FBXW10: variants seen among roughly 807,000 people sequenced by gnomAD.
FBXW10 encodes F-box/WD repeat-containing protein 10.
A neutral mutation model predicts 113.1 loss-of-function variants in FBXW10; 68 were observed. The observed-to-expected ratio is 0.60, with a 90% CI of 0.49 to 0.74. The LOEUF (loss-of-function observed/expected upper bound fraction) is 0.74. FBXW10 is among the 30% of genes least tolerant of loss of function. The pLI is 0.00. For missense variants in FBXW10, 753 were observed against 1,284.5 expected (o/e 0.59, Z 6.32); for synonymous variants, 289 against 481.6 (o/e 0.60, Z 5.24).
chr17:18,775,573 A>G (rs766060802), intron 13 of FBXW10, among the ~76,000 whole-genome samples: 20 of 152,174 alleles, frequency 1.3e-4, no homozygotes, highest in Non-Finnish European at 2.5e-4. Flanking sequence ...TATGTCATCA[A>G]TCTGAGAAAT....
chr17:18,771,206 T>C (rs1306037435), intron 11 of FBXW10, among the ~76,000 whole-genome samples: 1 of 152,062 alleles, frequency 6.6e-6, no homozygotes, highest in African/African-American at 2.4e-5. Context: ...CTAAAAGGGA[T>C]TTCTTATTGG....
chr17:18,769,037 G>A (rs371835270), intron 10 of FBXW10, among the ~76,000 whole-genome samples: 1 of 145,362 alleles, frequency 6.9e-6, no homozygotes, highest in Non-Finnish European at 1.5e-5. Flanking sequence ...CTGGGTTCAC[G>A]CTATTCTCCT....
chr17:18,772,333 A>C, intron 11 of FBXW10, 79 bp from the exon 12 acceptor site: 2 of 1,347,780 alleles, frequency 1.5e-6, no homozygotes, highest in Non-Finnish European at 1.0e-6. Flanking sequence ...TCTAAAGACC[A>C]GGTGGGATGG....
intron 8 of FBXW10, 41 bp downstream of exon 8, chr17:18,764,904 C>T (rs764073637): frequency 1.6e-5 from 26 of 1,613,548 alleles, no homozygotes; most frequent in South Asian, 6.6e-5. Flanking sequence ...AAGTTTCCCC[C>T]GACCCACGGG....
chr17:18,759,658 G>C (rs532686532), intron 7 of FBXW10, among the ~76,000 whole-genome samples: 5 of 151,744 alleles, frequency 3.3e-5, no homozygotes, highest in Admixed American at 2.6e-4. Context: ...TGTCACCCAG[G>C]CTGGAGAGCA....
At chr17:18,750,789 T>C in intron 4 of FBXW10, 142 bp from the exon 5 acceptor site, 1 of 919,634 alleles carries the variant, frequency 1.1e-6, no homozygotes, top group South Asian at 1.8e-5. Context: ...TGGCCAGAAG[T>C]GGGCCTGCCT....
intron 12 of FBXW10, among the ~76,000 whole-genome samples, chr17:18,773,797 C>A (rs1043135317): frequency 1.3e-5 from 2 of 152,116 alleles, no homozygotes; most frequent in South Asian, 2.1e-4. Flanking sequence ...CTTAGAATTG[C>A]CAACCTAAAA....
Position 18,766,738 on chromosome 17 carries a change from G to A in FBXW10, c.1580G>A (p.Cys527Tyr). 1.2e-6 allele frequency: 2 copies of A among 1,613,562 alleles called. No homozygotes were observed. Among genetic ancestry groups the A allele is most frequent in the Admixed American group, 1.7e-5 (1 of 59,992 alleles). The change falls in exon 9 of 14, where the codon TGC (cysteine) becomes TAC (tyrosine). Residue 527 changes from cysteine (C) to tyrosine (Y), a missense_variant. Physicochemically the swap from Cys to Tyr is radical, Grantham distance 194 (BLOSUM62 -2). Transcript: ENST00000395665. ...GTATGGGATGTAGACACAGGGAAGT[G>A]CCTGAAGACGTTTAGACACAAAGAC... ...VKVWDVDTGK[C>Y]LKTFRHKDPI...
At chr17:18,745,458 C>G (rs2035022832) in intron 1 of FBXW10, 1 of 163,400 alleles carries the variant, frequency 6.1e-6, no homozygotes. Flanking sequence ...CTCTGTCACC[C>G]AGGCTGGAGT....
intron 1 of FBXW10, among the ~76,000 whole-genome samples, chr17:18,747,020 G>A (rs2035051563): frequency 6.6e-6 from 1 of 151,540 alleles, no homozygotes; most frequent in Admixed American, 6.6e-5. Context: ...CGCCTCCCGG[G>A]TTCACGCCAT....
In FBXW10 at chr17:18,768,648, C is replaced by T. The variant is rs79757327; in HGVS notation, c.1819C>T (p.Arg607Cys). The T allele has an allele frequency of 0.073, 117,622 of 1,613,658 alleles. 4,672 individuals are homozygous for T. Among genetic ancestry groups the T allele is most frequent in the African/African-American group, 0.13 (9,822 of 74,928 alleles). The change falls in exon 10 of 14, where the codon CGC becomes TGC. Residue 607 changes from arginine to cysteine, a missense_variant. Arg to Cys is a radical substitution (Grantham distance 180, BLOSUM62 -3). Transcript: ENST00000395665. ...MAWSMVGKYE[R>C]CLMAFKHPKE... Reference sequence around the variant, plus strand: ...CTGGAGCATGGTGGGGAAGTACGAGCGCTGCCTGATGGCCTTCAAGCATCC... The same window carrying T: ...CTGGAGCATGGTGGGGAAGTACGAGTGCTGCCTGATGGCCTTCAAGCATCC...
chr17:18,778,178 G>A (rs866071778), intron 13 of FBXW10, among the ~76,000 whole-genome samples: 9 of 152,174 alleles, frequency 5.9e-5, no homozygotes, highest in South Asian at 2.1e-4. Flanking sequence ...GCGTGAACCC[G>A]GAAGGCAGAG....
intron 5 of FBXW10, among the ~76,000 whole-genome samples, chr17:18,751,531 G>A (rs191939278): frequency 2.5e-4 from 38 of 152,130 alleles, no homozygotes; most frequent in East Asian, 2.3e-3. Flanking sequence ...CGCTCAGCCC[G>A]ACACTTCCTC....
chr17:18,764,933 T>C (rs1567622028), intron 8 of FBXW10, 70 bp downstream of exon 8: 1 of 1,613,106 alleles, frequency 6.2e-7, no homozygotes, highest in Non-Finnish European at 8.5e-7. Context: ...ATGCTTTGTT[T>C]TGCTCATTTC....
At chr17:18,745,076 G>A (rs2035014367) in intron 1 of FBXW10, 20 of 1,235,296 alleles carry the variant, frequency 1.6e-5, no homozygotes, top group Non-Finnish European at 2.0e-5. Flanking sequence ...TGCTGGTGTC[G>A]TTCCTGCTTT....
At chr17:18,760,946 C>A (rs1255576443) in intron 7 of FBXW10, among the ~76,000 whole-genome samples, 4 of 151,724 alleles carry the variant, frequency 2.6e-5, no homozygotes, top group African/African-American at 9.7e-5. Context: ...GTTTTTTAAT[C>A]TCTTTGCAAT....
intron 8 of FBXW10, 21 bp from the exon 9 acceptor site, chr17:18,766,693 C>T (rs1051714211): frequency 1.2e-5 from 20 of 1,611,452 alleles, no homozygotes; most frequent in Non-Finnish European, 1.6e-5. Context: ...CCATGTCTTC[C>T]TCTCTCTCCC....
chr17:18,770,003 T>C lies in FBXW10; in HGVS notation c.1924T>C (p.Phe642Leu), dbSNP rs765268839. Residue 642 changes from phenylalanine to leucine, a missense_variant, in exon 11 of 14, where the codon TTC becomes CTC. Physicochemically the swap from Phe to Leu is conservative, Grantham distance 22 (BLOSUM62 0). Transcript: ENST00000395665. ...AGATGGCAAGATCCGAATTTACAAT[T>C]TCCTCAACGGGAACTGTATGAAGGT... ...CADGKIRIYNFLNGNCMKVLK... is the reference protein window; with the variant it reads ...CADGKIRIYNLLNGNCMKVLK... 1 of 1,614,196 alleles carries C rather than the reference T, an allele frequency of 6.2e-7. No individual in the cohort carries two copies. Among genetic ancestry groups the C allele is most frequent in the Non-Finnish European group, 8.5e-7 (1 of 1,180,040 alleles).
Position 18,749,658 on chromosome 17 carries a change from G to T in FBXW10, c.671-64G>T. ...CTGGGAGAGCTTTTGGTGGGGACTT[G>T]TTCTTGGCCTGGAGTTTCTACAGAG... On this transcript the variant is annotated intron_variant, in intron 2 of 13. Coordinates refer to ENST00000395665, the MANE Select transcript of FBXW10 (RefSeq NM_001267585.2). 3 of 1,611,456 alleles carry T rather than the reference G, an allele frequency of 1.9e-6. No homozygotes were observed. In the South Asian group the frequency reaches 3.3e-5, roughly 18 times the overall value.
Sources: allele counts gnomAD v4.1 joint callset (sites outside exome capture counted in the v4.1 genomes callset), GRCh38; gene constraint gnomAD v4.1.1; transcripts MANE v1.5; gene names NCBI Gene and HGNC (gene_info 2026-07-23, HGNC 2026-07-21).